The following GCLC variants were observed in gnomAD, a reference collection of about 807,000 sequenced individuals.
GCLC encodes the protein glutamate-cysteine ligase catalytic subunit, also known as glutamate--cysteine ligase catalytic subunit.
A neutral mutation model predicts 81.5 loss-of-function variants in GCLC; 30 were observed. The observed-to-expected ratio is 0.37, with a 90% CI of 0.28 to 0.50. The LOEUF (loss-of-function observed/expected upper bound fraction) is 0.50, where lower values mean the gene tolerates loss of function less well. GCLC is among the 20% of genes least tolerant of loss of function. The pLI is 0.96. For missense variants in GCLC, 556 were observed against 777.4 expected (o/e 0.72, Z 3.39); for synonymous variants, 262 against 273.3 (o/e 0.96, Z 0.41).
intron 1 of GCLC, among the ~76,000 whole-genome samples, chr6:53,524,445 T>C (rs1417057293): frequency 1.3e-5 from 2 of 152,214 alleles, no homozygotes; most frequent in African/African-American, 4.8e-5. Flanking sequence ...TATGCTTTCA[T>C]TTCATGGAAG....
At chr6:53,523,016 T>C (rs1340011373) in intron 1 of GCLC, among the ~76,000 whole-genome samples, 1 of 152,242 alleles carries the variant, frequency 6.6e-6, no homozygotes, top group Non-Finnish European at 1.5e-5. Context: ...GTCCCACTTT[T>C]GGAGAGTTAA....
At chr6:53,503,643 A>T (rs1764556344) in intron 12 of GCLC, among the ~76,000 whole-genome samples, 1 of 152,134 alleles carries the variant, frequency 6.6e-6, no homozygotes, top group Non-Finnish European at 1.5e-5. Context: ...CTGTCCGGAC[A>T]GTTAATTTTC....
intron 8 of GCLC, 70 bp from the exon 9 acceptor site, chr6:53,507,688 A>T: frequency 1.7e-5 from 11 of 647,242 alleles, no homozygotes; most frequent in Non-Finnish European, 2.5e-5. Flanking sequence ...TATATATGAT[A>T]ATTATATAAA....
intron 1 of GCLC, among the ~76,000 whole-genome samples, chr6:53,537,277 G>A (rs1763271747): frequency 6.6e-6 from 1 of 152,236 alleles, no homozygotes; most frequent in Non-Finnish European, 1.5e-5. Context: ...ACTTCTGGGG[G>A]TGGGTAGGGG....
At position 53,500,473 on chromosome 6, in the gene GCLC, A is replaced by C; in HGVS notation, c.1436T>G (p.Val479Gly). Residue 479 changes from valine to glycine, a missense_variant, in exon 13 of 16, where the codon GTC (valine) becomes GGC (glycine). By Grantham distance (109) the Val-to-Gly change is moderately radical. Coordinates refer to ENST00000650454, the MANE Select transcript of GCLC (RefSeq NM_001498.4). ...CCTGAAATAAAACATTCCCTGCAAG[A>C]CAGCATCTCTTTTCTGTGCTACCTT... The part of the protein sequence containing the change: ...NMKVAQKRDA[V>G]LQGMFYFRKD... 6.2e-7 allele frequency: 1 copy of C among 1,612,574 alleles called. No homozygotes were observed. The highest frequency in any genetic ancestry group is 8.5e-7 in the Non-Finnish European group (1 of 1,178,608).
chr6:53,500,501 T>G lies in GCLC; in HGVS notation c.1408A>C (p.Met470Leu). 1 of 1,609,336 alleles carries G rather than the reference T, an allele frequency of 6.2e-7. No homozygotes were observed. The highest frequency in any genetic ancestry group is 1.1e-5 in the South Asian group (1 of 90,922). ...LIPLSKVDEN[M>L]KVAQKRDAVL... ...GCATCTCTTTTCTGTGCTACCTTCA[T>G]GTTCTCATCAACCTAAGGGAAAAAA... Residue 470 changes from methionine (M) to leucine (L), a missense_variant, in exon 13 of 16, where the codon ATG becomes CTG. By Grantham distance (15) the Met-to-Leu change is conservative. Around this residue, in one of 3 missense-constraint regions of GCLC, gnomAD observed 313 missense variants for 437.3 expected, o/e 0.72. Transcript: ENST00000650454.
At chr6:53,502,787 C>T (rs951235258) in intron 12 of GCLC, among the ~76,000 whole-genome samples, 2 of 152,096 alleles carry the variant, frequency 1.3e-5, no homozygotes, top group East Asian at 3.9e-4. Flanking sequence ...ATTTTATTTT[C>T]ACCACTTTAT....
chr6:53,537,113 C>T lies in GCLC; in HGVS notation c.150+7383G>A, dbSNP rs564348499. Among the ~76,000 whole-genome samples, 17 of 152,236 alleles carry T rather than the reference C, an allele frequency of 1.1e-4. No homozygotes were observed. In the South Asian group the frequency reaches 3.3e-3, roughly 30 times the overall value. ...TACACTGTTCTTTTGACCATAATGC[C>T]TTCCTTTCTCCCCTTCATCTAATTA... is the stretch of plus-strand genomic sequence containing the variant. On this transcript the variant is annotated intron_variant, in intron 1 of 15. Transcript: ENST00000650454.
At chr6:53,509,061 C>A in intron 7 of GCLC, 115 bp downstream of exon 7, 1 of 717,196 alleles carries the variant, frequency 1.4e-6, no homozygotes, top group Non-Finnish European at 2.5e-6. Flanking sequence ...TTATATTAGT[C>A]CATCTCTGAC....
chr6:53,498,595 A>T lies in GCLC; in HGVS notation c.*161T>A. ...TGTACATGTACACTGTATAAACTCT[A>T]GATTTACCTACCAAAGAAAGCCTTA... On this transcript the variant is annotated 3_prime_UTR_variant, in exon 16 of 16. Transcript: ENST00000650454. 1.5e-6 allele frequency: 1 copy of T among 667,974 alleles called. No homozygotes were observed. The allele number at this position is 667,974 out of a possible 1,614,324, so 41.4% of individuals were successfully genotyped here.
At chr6:53,508,552 C>T in intron 8 of GCLC, 43 bp downstream of exon 8, 1 of 1,137,646 alleles carries the variant, frequency 8.8e-7, no homozygotes, top group African/African-American at 1.5e-5. Context: ...ATCCATTTTA[C>T]CTGCTTGACT....
intron 1 of GCLC, among the ~76,000 whole-genome samples, chr6:53,540,705 A>ACACACACAC (rs58342057): frequency 2.3e-4 from 34 of 150,802 alleles, no homozygotes; most frequent in African/African-American, 8.1e-4. Context: ...ACACACACAC[A>ACACACACAC]AAAGTCCTGG....
At position 53,522,419 on chromosome 6, in the gene GCLC, G is replaced by C; in HGVS notation, c.259C>G (p.Pro87Ala). The C allele has an allele frequency of 6.4e-7, 1 of 1,569,994 alleles. No homozygotes were observed. The highest frequency in any genetic ancestry group is 8.8e-7 in the Non-Finnish European group (1 of 1,139,746). The change falls in exon 2 of 16, where the codon CCA (proline) becomes GCA (alanine). Residue 87 changes from proline to alanine, a missense_variant. Around this residue, in one of 3 missense-constraint regions of GCLC, gnomAD observed 234 missense variants for 303.8 expected, o/e 0.77. Transcript: ENST00000650454. ...TLQEKGERTN[P>A]NHPTLWRPEY... Reference sequence around the variant, plus strand: ...AATCAGCACATGAGAGCTTACTTTGGGTTTGTCCTTTCCCCCTTCTCTTGC... The same window carrying C: ...AATCAGCACATGAGAGCTTACTTTGCGTTTGTCCTTTCCCCCTTCTCTTGC...
In GCLC at chr6:53,514,667, T is replaced by A; in HGVS notation, c.561-170A>T. Reference sequence around the variant, plus strand: ...GTCAAGACACTACAAGGGAACTTTGTGATTAAAGATTTTGCATTAGTATCA... The same window carrying A: ...GTCAAGACACTACAAGGGAACTTTGAGATTAAAGATTTTGCATTAGTATCA... On this transcript the variant is annotated intron_variant, in intron 4 of 15. Transcript: ENST00000650454. 17 of 693,318 alleles carry A rather than the reference T, an allele frequency of 2.5e-5. No homozygotes were observed. The South Asian group carries it at 2.6e-4, about 11-fold the overall frequency. The allele number at this position is 693,318 out of a possible 1,614,324, so 42.9% of individuals were successfully genotyped here. A position where few individuals can be genotyped will look rare whatever the true frequency, so the allele number is the denominator to read the frequency against.
chr6:53,508,940 G>C (rs1581731892), intron 7 of GCLC, among the ~76,000 whole-genome samples: 1 of 152,120 alleles, frequency 6.6e-6, no homozygotes, highest in South Asian at 2.1e-4. Context: ...GTATGGGGGA[G>C]GGAAAATGGC....
chr6:53,543,851 T>C (rs1454700098), intron 1 of GCLC, among the ~76,000 whole-genome samples: 2 of 152,088 alleles, frequency 1.3e-5, no homozygotes, highest in Non-Finnish European at 2.9e-5. Context: ...CACAAGCAAA[T>C]CCTAATGTTG....
At position 53,498,574 on chromosome 6, in the gene GCLC, C is replaced by T. The variant is rs868834851; in HGVS notation, c.*182G>A. ...TTAATCAAAAATACTTTACTATGTA[C>T]ATGTACACTGTATAAACTCTAGATT... On this transcript the variant is annotated 3_prime_UTR_variant, in exon 16 of 16. Coordinates refer to ENST00000650454, the MANE Select transcript of GCLC (RefSeq NM_001498.4). The T allele has an allele frequency of 9.5e-6, 6 of 632,010 alleles. No individual in the cohort carries two copies. The highest frequency in any genetic ancestry group is 1.7e-5 in the Non-Finnish European group (6 of 351,576). The allele number at this position is 632,010 out of a possible 1,614,324, so 39.2% of individuals were successfully genotyped here.
At chr6:53,516,313 C>T in intron 3 of GCLC, 91 bp from the exon 4 acceptor site, 1 of 815,626 alleles carries the variant, frequency 1.2e-6, no homozygotes, top group Non-Finnish European at 2.2e-6. Flanking sequence ...CCAAAGACAC[C>T]TCATTTCTAG....
At position 53,500,064 on chromosome 6, in the gene GCLC, T is replaced by C; in HGVS notation, c.1683A>G (p.Leu561=). The C allele has an allele frequency of 1.2e-6, 2 of 1,601,980 alleles. No homozygotes were observed. The highest frequency in any genetic ancestry group is 1.1e-5 in the South Asian group (1 of 90,840). Residue 561 remains leucine, a synonymous_variant, in exon 15 of 16, where the codon CTA becomes CTG. Coordinates refer to ENST00000650454, the MANE Select transcript of GCLC (RefSeq NM_001498.4). ...TCATACCAGATGCTCTCTTCTTAAT[T>C]AGCTTTAGGTAGTTCAGAATACTAC... ...TRCSILNYLK[L]IKKRASGELM...
Sources: allele counts gnomAD v4.1 joint callset (sites outside exome capture counted in the v4.1 genomes callset), GRCh38; gene constraint gnomAD v4.1.1; regional missense constraint gnomAD v4.1.1; transcripts MANE v1.5; gene names NCBI Gene and HGNC (gene_info 2026-07-23, HGNC 2026-07-21).